Variants in LIPF observed in about 807,000 individuals in gnomAD.
LIPF encodes gastric triacylglycerol lipase.
In LIPF, 25 loss-of-function variants were observed where a neutral mutation model predicts 38.0. The observed-to-expected ratio is 0.66, with a 90% CI of 0.48 to 0.92. The LOEUF (loss-of-function observed/expected upper bound fraction) is 0.92. LIPF is among the 40% of genes least tolerant of loss of function. The pLI is 0.00. For missense variants in LIPF, 410 were observed against 469.9 expected (o/e 0.87, Z 1.18); for synonymous variants, 161 against 156.2 (o/e 1.03, Z -0.23).
At chr10:88,674,632 C>T (rs1207229988) in intron 7 of LIPF, among the ~76,000 whole-genome samples, 5 of 152,202 alleles carry the variant, frequency 3.3e-5, no homozygotes, top group Non-Finnish European at 7.3e-5. Context: ...GTCTTGATTT[C>T]CTCATCCACA....
chr10:88,674,724 T>C (rs1057081108), intron 7 of LIPF, among the ~76,000 whole-genome samples: 2 of 152,198 alleles, frequency 1.3e-5, no homozygotes, highest in Non-Finnish European at 2.9e-5. Context: ...CACATAGTAA[T>C]AGCATATAAG....
At chr10:88,671,637 TA>T (rs1411113548) in intron 5 of LIPF, among the ~76,000 whole-genome samples, 191 bp from the exon 6 acceptor site, 1 of 152,104 alleles carries the variant, frequency 6.6e-6, no homozygotes, top group Non-Finnish European at 1.5e-5. Flanking sequence ...CATGTCCCCA[TA>T]GAAAAATCTA....
chr10:88,674,122 T>C (rs1217633599), intron 7 of LIPF, among the ~76,000 whole-genome samples: 2 of 152,266 alleles, frequency 1.3e-5, no homozygotes, highest in South Asian at 2.1e-4. Flanking sequence ...ACAGTCATTT[T>C]GATAAATCTT....
chr10:88,671,788 C>A (rs775896715), intron 5 of LIPF, 41 bp from the exon 6 acceptor site: 3 of 1,591,082 alleles, frequency 1.9e-6, no homozygotes, highest in East Asian at 2.2e-5. Flanking sequence ...AACAACAACA[C>A]ACACACACAC....
At position 88,678,409 on chromosome 10, in the gene LIPF, T is replaced by C. The variant is rs376602803; in HGVS notation, c.961-36T>C. On this transcript the variant is annotated intron_variant, in intron 9 of 9. Transcript: ENST00000238983. Reference sequence around the variant, plus strand: ...GTAAGTACTGGGTTTAAAGTGTGGTTACCTAAACTCTGGTTCTTTCTCTTG... The same window carrying C: ...GTAAGTACTGGGTTTAAAGTGTGGTCACCTAAACTCTGGTTCTTTCTCTTG... The C allele has an allele frequency of 2.8e-4, 405 of 1,454,004 alleles. 2 individuals carry two copies. The African/African-American group carries it at 4.3e-3, about 15-fold the overall frequency. The allele number at this position is 1,454,004 out of a possible 1,614,324, so 90.1% of individuals were successfully genotyped here.
chr10:88,673,800 A>C, intron 7 of LIPF, 66 bp downstream of exon 7: 2 of 1,320,928 alleles, frequency 1.5e-6, no homozygotes, highest in Non-Finnish European at 2.1e-6. Flanking sequence ...ATTGCCACTT[A>C]GAAGTGGTAC....
chr10:88,671,786 C>A (rs772390919), intron 5 of LIPF, 43 bp from the exon 6 acceptor site: 4 of 1,539,804 alleles, frequency 2.6e-6, no homozygotes, highest in East Asian at 2.3e-5. Flanking sequence ...ACAACAACAA[C>A]ACACACACAC....
intron 6 of LIPF, 27 bp from the exon 7 acceptor site, chr10:88,673,561 C>A (rs1590113268): frequency 6.3e-7 from 1 of 1,576,458 alleles, no homozygotes; most frequent in Admixed American, 1.8e-5. Context: ...ATTGCTACAA[C>A]CCTCTAATAG....
chr10:88,664,931 T>C (rs573394896), intron 1 of LIPF, among the ~76,000 whole-genome samples: 174 of 152,374 alleles, frequency 1.1e-3, no homozygotes, highest in Middle Eastern at 3.4e-3. Context: ...TCATTATTAA[T>C]ACGATTGTGA....
In LIPF at chr10:88,671,914, T is replaced by C. The variant is rs1452034076; in HGVS notation, c.618T>C (p.Tyr206=). The C allele has an allele frequency of 1.9e-6, 3 of 1,613,524 alleles. No homozygotes were observed. The highest frequency in any genetic ancestry group is 3.3e-5 in the Admixed American group (2 of 59,974). The change falls in exon 6 of 10, where the codon TAT becomes TAC. Residue 206 remains tyrosine, a synonymous_variant. Transcript: ENST00000238983. ...TAGCTCCTGTTGCCACTGTGAAGTA[T>C]ACAAAAAGCCTTATAAACAAACTTA... The part of the protein sequence containing the change: ...YALAPVATVK[Y]TKSLINKLRF...
chr10:88,669,748 C>A, intron 4 of LIPF, 89 bp from the exon 5 acceptor site: 1 of 907,140 alleles, frequency 1.1e-6, no homozygotes, highest in African/African-American at 1.7e-5. Context: ...TTTTCTGTAT[C>A]CCAAAGGGAT....
chr10:88,667,595 C>T lies in LIPF; in HGVS notation c.132C>T (p.Tyr44=), dbSNP rs897792600. 1 of 1,596,634 alleles carries T rather than the reference C, an allele frequency of 6.3e-7. No homozygotes were observed. The highest frequency in any genetic ancestry group is 1.1e-5 in the South Asian group (1 of 90,116). The part of the protein sequence containing the change: ...NISQMITYWG[Y]PNEEYEVVTE... ...GTCAGATGATTACTTATTGGGGATA[C>T]CCAAATGAAGAATATGAAGTTGTGA... The change falls in exon 3 of 10, where the codon TAC becomes TAT. Residue 44 remains tyrosine, a synonymous_variant. Transcript: ENST00000238983.
chr10:88,671,106 T>C (rs1419142182), intron 5 of LIPF, among the ~76,000 whole-genome samples: 2 of 152,178 alleles, frequency 1.3e-5, no homozygotes, highest in Admixed American at 1.3e-4. Flanking sequence ...CTTGATCACA[T>C]CCTCATCTGC....
At chr10:88,674,960 A>T (rs1009186762) in intron 7 of LIPF, among the ~76,000 whole-genome samples, 1 of 152,230 alleles carries the variant, frequency 6.6e-6, no homozygotes, top group African/African-American at 2.4e-5. Flanking sequence ...TGAGAGTCTT[A>T]TAAGAAAAAT....
chr10:88,670,029 A>T (rs1201698128), intron 5 of LIPF, 83 bp downstream of exon 5: 13 of 794,190 alleles, frequency 1.6e-5, no homozygotes. Flanking sequence ...TAGCAACCAC[A>T]CTAATTGCTT....
intron 9 of LIPF, among the ~76,000 whole-genome samples, chr10:88,676,734 T>C (rs1841692230): frequency 6.6e-6 from 1 of 152,246 alleles, no homozygotes; most frequent in African/African-American, 2.4e-5. Context: ...AAAGATGCCG[T>C]GCTTGCAGGT....
chr10:88,675,496 C>A, intron 7 of LIPF, 90 bp from the exon 8 acceptor site: 1 of 966,486 alleles, frequency 1.0e-6, no homozygotes, highest in Non-Finnish European at 1.6e-6. Flanking sequence ...AACACTTGAC[C>A]TGAATCAGAA....
chr10:88,675,534 A>G (rs1841671427), intron 7 of LIPF, 52 bp from the exon 8 acceptor site: 1 of 1,306,062 alleles, frequency 7.7e-7, no homozygotes, highest in South Asian at 1.2e-5. Flanking sequence ...TTTTTAAGAA[A>G]CTGAGTATGT....
At chr10:88,674,476 C>G (rs1339939464) in intron 7 of LIPF, among the ~76,000 whole-genome samples, 1 of 152,200 alleles carries the variant, frequency 6.6e-6, no homozygotes, top group Non-Finnish European at 1.5e-5. Flanking sequence ...CTGACTTTGC[C>G]CATATTCTTT....
Sources: gnomAD v4.1 joint callset for allele counts (sites outside exome capture counted in the v4.1 genomes callset) on GRCh38, gnomAD v4.1.1 for gene constraint, MANE v1.5 for transcripts, NCBI Gene and HGNC (gene_info 2026-07-23, HGNC 2026-07-21) for gene names.